INTS13: variants seen among roughly 807,000 people sequenced by gnomAD.
INTS13 encodes the protein integrator complex subunit 13.
In INTS13, 35 loss-of-function variants were observed where a neutral mutation model predicts 90.2. The observed-to-expected ratio is 0.39, with a 90% CI of 0.30 to 0.51. The LOEUF (loss-of-function observed/expected upper bound fraction) is 0.51. Among genes scored for constraint, INTS13 ranks in the 20% least tolerant of loss-of-function variants. INTS13 has a pLI of 0.80. For synonymous variants in INTS13, 309 were observed against 277.1 expected (o/e 1.11, Z -1.14); for missense variants, 601 against 851.2 (o/e 0.71, Z 3.66).
intron 8 of INTS13, 23 bp from the exon 9 acceptor site, chr12:26,917,756 T>C: frequency 6.5e-7 from 1 of 1,527,118 alleles, no homozygotes; most frequent in Non-Finnish European, 9.1e-7. Context: ...GTCAGAGACA[T>C]TACACATTGT....
chr12:26,908,960 TGTATGAAAACTTAAAATTG>T (rs1171662233), intron 15 of INTS13, among the ~76,000 whole-genome samples: 29 of 152,230 alleles, frequency 1.9e-4, no homozygotes, highest in African/African-American at 7.0e-4. Context: ...AGTACATATG[TGTATGAAAACTTAAAATTG>T]AGATCACAGT....
intron 11 of INTS13, among the ~76,000 whole-genome samples, chr12:26,915,775 T>C (rs1225728027): frequency 6.6e-6 from 1 of 152,212 alleles, no homozygotes; most frequent in Non-Finnish European, 1.5e-5. Context: ...CAGCGTGTCA[T>C]TGCAATTCAG....
At chr12:26,928,962 T>C (rs1938039602) in intron 3 of INTS13, 57 bp from the exon 4 acceptor site, 1 of 1,490,046 alleles carries the variant, frequency 6.7e-7, no homozygotes. Context: ...CAGATAAAAA[T>C]ATCACAAGAA....
chr12:26,928,980 T>G (rs562996798), intron 3 of INTS13, 75 bp from the exon 4 acceptor site: 1 of 1,306,612 alleles, frequency 7.7e-7, no homozygotes, highest in Admixed American at 2.1e-5. Flanking sequence ...GAAAGAAAAC[T>G]ACACACCAAT....
intron 7 of INTS13, 71 bp from the exon 8 acceptor site, chr12:26,922,771 C>A (rs1250317836): frequency 2.0e-6 from 2 of 992,578 alleles, no homozygotes; most frequent in African/African-American, 1.7e-5. Context: ...ATTAATTATT[C>A]ATTTGCTTTT....
At chr12:26,928,372 T>C in intron 4 of INTS13, 87 bp from the exon 5 acceptor site, 2 of 1,051,920 alleles carry the variant, frequency 1.9e-6, no homozygotes, top group Middle Eastern at 2.4e-4. Context: ...AATATGGTGT[T>C]ATAGACATTT....
rs1334653726 is a variant in INTS13, at chr12:26,914,115, G to A, written c.1433C>T (p.Ala478Val). ...IFNMQAVVPL[A>V]SVIVKESLTE... ...CAGAGATTCTTTCACAATAACACTG[G>A]CTAATGGAACTACCTGTTAGATTTT... Residue 478 changes from alanine to valine, a missense_variant, in exon 13 of 17, where the codon GCC becomes GTC. Coordinates refer to ENST00000261191, the MANE Select transcript of INTS13 (RefSeq NM_018164.3). 1.9e-6 allele frequency: 3 copies of A among 1,585,926 alleles called. No homozygotes were observed. The highest frequency in any genetic ancestry group is 2.3e-5 in the East Asian group (1 of 44,136).
intron 15 of INTS13, among the ~76,000 whole-genome samples, chr12:26,908,297 T>C (rs1227434207): frequency 1.3e-5 from 2 of 152,158 alleles, no homozygotes; most frequent in Non-Finnish European, 2.9e-5. Flanking sequence ...CTGATTGTGA[T>C]GGCGGTATGC....
intron 1 of INTS13, 103 bp from the exon 2 acceptor site, chr12:26,936,917 G>T: frequency 1.3e-6 from 1 of 748,492 alleles, no homozygotes; most frequent in South Asian, 1.8e-5. Context: ...GACTTGGTAG[G>T]GAACATGAAT....
At chr12:26,922,152 T>C (rs1223195573) in intron 8 of INTS13, among the ~76,000 whole-genome samples, 1 of 152,164 alleles carries the variant, frequency 6.6e-6, no homozygotes, top group Non-Finnish European at 1.5e-5. Context: ...GGTTATCAGA[T>C]CCACTGTCGA....
chr12:26,909,466 A>G (rs1376033432), intron 15 of INTS13, among the ~76,000 whole-genome samples: 1 of 148,306 alleles, frequency 6.7e-6, no homozygotes, highest in Non-Finnish European at 1.5e-5. Context: ...CAGTATAGAT[A>G]ATACTCTTTT....
chr12:26,932,173 G>T (rs1245582343), intron 3 of INTS13, among the ~76,000 whole-genome samples: 1 of 151,388 alleles, frequency 6.6e-6, no homozygotes, highest in Non-Finnish European at 1.5e-5. Flanking sequence ...AGACAACAAT[G>T]AACAAGATAG....
In INTS13 at chr12:26,928,149, TATAAC is replaced by T. The variant is rs747753157; in HGVS notation, c.584+51_584+55del. 227 of 1,265,506 alleles carry T rather than the reference TATAAC, an allele frequency of 1.8e-4. No homozygotes were observed. In the Middle Eastern group the frequency reaches 2.4e-3, roughly 13 times the overall value. 78.4% of individuals were successfully genotyped at this position (1,265,506 alleles called of 1,614,324 possible). On this transcript the variant is annotated intron_variant, in intron 5 of 16. Transcript: ENST00000261191. ...TACCAGTCAAGTTATTGGAAATAAT[TATAAC>T]ATATATCTATCCACATGAACATATT...
intron 8 of INTS13, among the ~76,000 whole-genome samples, chr12:26,921,128 A>G (rs1427637771): frequency 2.0e-5 from 3 of 152,248 alleles, no homozygotes; most frequent in African/African-American, 7.2e-5. Context: ...GCATGCAAAC[A>G]TACATCTAGA....
intron 11 of INTS13, among the ~76,000 whole-genome samples, chr12:26,915,733 A>T (rs1456876577): frequency 1.3e-5 from 2 of 152,238 alleles, no homozygotes; most frequent in Admixed American, 1.3e-4. Context: ...CTAAAATATT[A>T]GTTCAAATCA....
In INTS13 at chr12:26,913,499, A is replaced by G. The variant is rs1230888418; in HGVS notation, c.1763T>C (p.Val588Ala). ...AGACTTTTCCTGTTCATAATCTTTC[A>G]CTGCTTTCTCTGACTTGTCCTCTTT... is the stretch of plus-strand genomic sequence containing the variant. The part of the protein sequence containing the change: ...EDKEDKSEKA[V>A]KDYEQEKSWQ... Residue 588 changes from valine (V) to alanine (A), a missense_variant, in exon 14 of 17, where the codon GTG becomes GCG. Val to Ala is a moderately conservative substitution (Grantham distance 64). Around this residue, in one of 3 missense-constraint regions of INTS13, gnomAD observed 228 missense variants for 272.5 expected, o/e 0.84. Coordinates refer to ENST00000261191, the MANE Select transcript of INTS13 (RefSeq NM_018164.3). 6 of 1,614,086 alleles carry G rather than the reference A, an allele frequency of 3.7e-6. No individual in the cohort carries two copies. Among genetic ancestry groups the G allele is most frequent in the Non-Finnish European group, 5.1e-6 (6 of 1,179,996 alleles).
rs1938041919 is a variant in INTS13 at position 26,929,000 on chromosome 12, A to G, written c.301-95T>C. 8 of 1,067,828 alleles carry G rather than the reference A, an allele frequency of 7.5e-6. No homozygotes were observed. In the South Asian group the frequency reaches 1.1e-4, roughly 14 times the overall value. 66.1% of individuals were successfully genotyped at this position (1,067,828 alleles called of 1,614,324 possible). On this transcript the variant is annotated intron_variant, in intron 3 of 16. Coordinates refer to ENST00000261191, the MANE Select transcript of INTS13 (RefSeq NM_018164.3). ...AAAACTACACACCAATGTATCTTAC[A>G]TATATGGACATGAACATTCTTAAAA...
intron 10 of INTS13, 98 bp downstream of exon 10, chr12:26,917,254 T>C (rs1374564607): frequency 6.0e-6 from 2 of 330,914 alleles, no homozygotes; most frequent in Non-Finnish European, 1.0e-5. Flanking sequence ...CCAGAGTTCA[T>C]ATTCTTAATA....
At chr12:26,912,827 A>G (rs1951821168) in intron 14 of INTS13, among the ~76,000 whole-genome samples, 1 of 151,756 alleles carries the variant, frequency 6.6e-6, no homozygotes, top group Non-Finnish European at 1.5e-5. Context: ...TCCCAGGTTC[A>G]CGTGATTCTC....
Sources: gnomAD v4.1 joint callset for allele counts (sites outside exome capture counted in the v4.1 genomes callset) on GRCh38, gnomAD v4.1.1 for gene constraint, gnomAD v4.1.1 regional missense constraint, MANE v1.5 for transcripts, NCBI Gene and HGNC (gene_info 2026-07-23, HGNC 2026-07-21) for gene names.